The following CAPN11 variants were observed in gnomAD, a reference collection of about 807,000 sequenced individuals.
CAPN11 encodes calpain-11.
In CAPN11, 108 loss-of-function variants were observed where a neutral mutation model predicts 105.3. That is an observed-to-expected ratio of 1.03 (90% CI 0.88 to 1.20). The LOEUF is 1.20. CAPN11 is among the 50% of genes most tolerant of loss of function. CAPN11 has a pLI of 0.00. For synonymous variants in CAPN11, 329 were observed against 344.5 expected, an observed-to-expected ratio of 0.96 and a Z score of 0.50; for missense variants, 883 against 924.8, an observed-to-expected ratio of 0.95 and a Z score of 0.59.
chr6:44,183,708 T>C lies in CAPN11; in HGVS notation c.2138T>C (p.Phe713Ser). ...CCCCGCTTCCTCTGTAACGCAGCAT[T>C]CTTTCTAACCATGGACCCCAAGAAT... ...CFLRLKTMFT[F>S]FLTMDPKNTG... Residue 713 changes from phenylalanine (F) to serine (S), a missense_variant, in exon 22 of 23, where the codon TTC (phenylalanine) becomes TCC (serine). Phe to Ser is a radical substitution (Grantham distance 155, BLOSUM62 -2). Coordinates refer to ENST00000398776, the MANE Select transcript of CAPN11 (RefSeq NM_007058.4). 1 of 1,613,830 alleles carries C rather than the reference T, an allele frequency of 6.2e-7. No homozygotes were observed. The highest frequency in any genetic ancestry group is 8.5e-7 in the Non-Finnish European group (1 of 1,179,824).
chr6:44,162,339 C>T (rs2128289992), intron 1 of CAPN11, among the ~76,000 whole-genome samples: 1 of 151,112 alleles, frequency 6.6e-6, no homozygotes, highest in South Asian at 2.1e-4. Flanking sequence ...CCCGCCCCCG[C>T]AGCCCCCCTC....
rs57294700 is a variant in CAPN11 at position 44,177,006 on chromosome 6, A to AG, written c.1237+12dup. ...GCTGCAGGAACCACCCTGGTGGGTG[A>AG]GGGGTGAGAGGGGAGGGGGTGTGCA... is the stretch of plus-strand genomic sequence containing the variant. On this transcript the variant is annotated intron_variant, in intron 11 of 22. Coordinates refer to ENST00000398776, the MANE Select transcript of CAPN11 (RefSeq NM_007058.4). 218,257 of 1,611,114 alleles carry AG rather than the reference A, an allele frequency of 0.14. 15,278 individuals are homozygous for AG. Among genetic ancestry groups the AG allele is most frequent in the East Asian group, 0.17 (7,411 of 44,854 alleles).
intron 7 of CAPN11, among the ~76,000 whole-genome samples, chr6:44,174,924 A>G (rs1449693217): frequency 1.3e-5 from 2 of 152,140 alleles, no homozygotes; most frequent in African/African-American, 4.8e-5. Flanking sequence ...CTGGCCTTAA[A>G]TGACATTCTT....
At position 44,166,739 on chromosome 6, in the gene CAPN11, CCACT is replaced by C. The variant is rs1278127999; in HGVS notation, c.17-17_17-14del. 2 of 1,543,138 alleles carry C rather than the reference CCACT, an allele frequency of 1.3e-6. No homozygotes were observed. The highest frequency in any genetic ancestry group is 4.9e-5 in the East Asian group (2 of 40,874). ...AGACCACAGCCTTCCTCCCCTCCTC[CCACT>C]CTTTCTTATTCTAGGGCCGAGTCTT... On this transcript the variant is annotated splice_polypyrimidine_tract_variant and intron_variant, in intron 1 of 22. Coordinates refer to ENST00000398776, the MANE Select transcript of CAPN11 (RefSeq NM_007058.4).
intron 12 of CAPN11, among the ~76,000 whole-genome samples, chr6:44,179,193 A>T (rs1404959247): frequency 6.6e-6 from 1 of 152,060 alleles, no homozygotes; most frequent in Admixed American, 6.6e-5. Context: ...CAGCCATCTG[A>T]GGTTGGACAA....
rs1260852952 is a variant in CAPN11 at position 44,173,729 on chromosome 6, T to C, written c.831+343T>C. On this transcript the variant is annotated intron_variant, in intron 7 of 22. Transcript: ENST00000398776. ...TCCCAAGGAGCTGGGATTACAGCCG[T>C]GTGCCACCCTGCCTGCGTAGTTTTT... Among the ~76,000 whole-genome samples the C allele has an allele frequency of 2.6e-5, 4 of 152,040 alleles. No individual in the cohort carries two copies. In the East Asian group the frequency reaches 7.7e-4, roughly 29 times the overall value.
In CAPN11 at chr6:44,173,251, C is replaced by A. The variant is rs373586466; in HGVS notation, c.696C>A (p.Gly232=). Residue 232 remains glycine (G), a synonymous_variant, in exon 7 of 23, where the codon GGC becomes GGA. Transcript: ENST00000398776. The part of the protein sequence containing the change: ...LSGSYEALSG[G]STMEGLEDFT... ...GGTCCTATGAAGCATTGTCAGGGGG[C>A]AGTACCATGGAGGGCCTTGAGGACT... 14 of 1,613,900 alleles carry A rather than the reference C, an allele frequency of 8.7e-6. No individual in the cohort carries two copies. Among genetic ancestry groups the A allele is most frequent in the Middle Eastern group, 1.7e-4 (1 of 6,058 alleles).
chr6:44,177,023 G>T, intron 11 of CAPN11, 25 bp downstream of exon 11: 1 of 1,607,012 alleles, frequency 6.2e-7, no homozygotes, highest in Non-Finnish European at 8.5e-7. Context: ...AGAGGGGAGG[G>T]GGTGTGCAGG....
rs1774040166 is a variant in CAPN11, at chr6:44,182,941, G to C, written c.1939G>C (p.Asp647His). ...CTACCATATCTGTCTGTCTCTTCAG[G>C]ACATCTTCAGAGAGTGTGACCAGGA... is the stretch of plus-strand genomic sequence containing the variant. Reference protein sequence around the residue: ...ILWKKLKKWMDIFRECDQDHS... With the variant: ...ILWKKLKKWMHIFRECDQDHS... The change falls in exon 20 of 23, where the codon GAC (aspartate) becomes CAC (histidine). Residue 647 changes from aspartate (D) to histidine (H), a missense_variant and splice_region_variant. Coordinates refer to ENST00000398776, the MANE Select transcript of CAPN11 (RefSeq NM_007058.4). The C allele has an allele frequency of 6.2e-7, 1 of 1,602,356 alleles. No homozygotes were observed. The highest frequency in any genetic ancestry group is 1.3e-5 in the African/African-American group (1 of 74,682).
In CAPN11 at chr6:44,172,993, A is replaced by G. The variant is rs1314119283; in HGVS notation, c.582A>G (p.Thr194=). ...TGGTGGTAGATGACCGGCTGCCCAC[A>G]AAGAATGACAAGCTGGTGTTTGTGC... ...VNVVVDDRLP[T]KNDKLVFVHS... The change falls in exon 6 of 23, where the codon ACA becomes ACG. Residue 194 remains threonine, a synonymous_variant. Coordinates refer to ENST00000398776, the MANE Select transcript of CAPN11 (RefSeq NM_007058.4). 1.9e-6 allele frequency: 3 copies of G among 1,613,094 alleles called. No homozygotes were observed. Among genetic ancestry groups the G allele is most frequent in the South Asian group, 2.2e-5 (2 of 90,910 alleles).
chr6:44,173,611 C>T (rs1056073988), intron 7 of CAPN11, among the ~76,000 whole-genome samples: 51 of 150,366 alleles, frequency 3.4e-4, no homozygotes, highest in Non-Finnish European at 1.2e-4. Flanking sequence ...GAGACAGGGT[C>T]TCATTCTGTC....
In CAPN11 at chr6:44,173,396, G is replaced by A. The variant is rs1771346179; in HGVS notation, c.831+10G>A. On this transcript the variant is annotated intron_variant, in intron 7 of 22. Transcript: ENST00000398776. ...GGGTTGCTCCATTGAAGTAAGCAAAGCATGGTCCCACCTCAGGGCCTTTGC... is the reference window on the plus strand; with the variant it reads ...GGGTTGCTCCATTGAAGTAAGCAAAACATGGTCCCACCTCAGGGCCTTTGC... 9 of 1,580,974 alleles carry A rather than the reference G, an allele frequency of 5.7e-6. No individual in the cohort carries two copies. The highest frequency in any genetic ancestry group is 7.8e-6 in the Non-Finnish European group (9 of 1,158,698).
At position 44,180,732 on chromosome 6, in the gene CAPN11, C is replaced by T; in HGVS notation, c.1747-16C>T. ...GCTGGAGGGGCCCGAGTGGGGTTCA[C>T]AGTTCCCCTTCCTAGGGCAAGGAGA... On this transcript the variant is annotated splice_polypyrimidine_tract_variant and intron_variant, in intron 16 of 22. Transcript: ENST00000398776. The T allele has an allele frequency of 6.2e-7, 1 of 1,613,556 alleles. No individual in the cohort carries two copies. The highest frequency in any genetic ancestry group is 8.5e-7 in the Non-Finnish European group (1 of 1,179,612).
Position 44,166,762 on chromosome 6 carries a change from G to T in CAPN11, c.21G>T (p.Pro7=). ...TCCCACTCTTTCTTATTCTAGGGCC[G>T]AGTCTTCCGGAGTCAGCAGAGAGCC... is the stretch of plus-strand genomic sequence containing the variant. MLYSPG[P]SLPESAESLD... The change falls in exon 2 of 23, where the codon CCG becomes CCT. Residue 7 remains proline (P), a synonymous_variant. Transcript: ENST00000398776. 1 of 1,551,638 alleles carries T rather than the reference G, an allele frequency of 6.4e-7. No homozygotes were observed. Among genetic ancestry groups the T allele is most frequent in the Non-Finnish European group, 8.7e-7 (1 of 1,146,642 alleles).
intron 2 of CAPN11, 99 bp from the exon 3 acceptor site, chr6:44,169,182 C>T: frequency 1.5e-6 from 2 of 1,307,530 alleles, no homozygotes; most frequent in Non-Finnish European, 2.1e-6. Context: ...GATCCTCCCA[C>T]CTCAGCCTCC....
At chr6:44,171,211 C>T (rs557074247) in intron 4 of CAPN11, among the ~76,000 whole-genome samples, 2 of 152,310 alleles carry the variant, frequency 1.3e-5, no homozygotes, top group East Asian at 3.9e-4. Context: ...GTAGGATGCA[C>T]AGCACCCTGC....
At chr6:44,172,461 C>T (rs370784911) in intron 5 of CAPN11, 41 bp downstream of exon 5, 38 of 1,229,674 alleles carry the variant, frequency 3.1e-5, no homozygotes, top group South Asian at 4.0e-5. Flanking sequence ...TTGTTGGGGG[C>T]GGGGGAAGAA....
At chr6:44,178,043 G>A (rs1245125082) in intron 12 of CAPN11, among the ~76,000 whole-genome samples, 1 of 152,118 alleles carries the variant, frequency 6.6e-6, no homozygotes, top group Admixed American at 6.6e-5. Context: ...GTAAGATAGG[G>A]TCTCACTATG....
chr6:44,170,961 A>G (rs532593434), intron 4 of CAPN11, among the ~76,000 whole-genome samples: 1 of 152,290 alleles, frequency 6.6e-6, no homozygotes, highest in African/African-American at 2.4e-5. Context: ...CCCTTGGGGC[A>G]GAAAAAAGGG....
Sources: allele counts gnomAD v4.1 joint callset (sites outside exome capture counted in the v4.1 genomes callset), GRCh38; gene constraint gnomAD v4.1.1; transcripts MANE v1.5; gene names NCBI Gene and HGNC (gene_info 2026-07-23, HGNC 2026-07-21).